The following PPP1R1C variants were observed in gnomAD, a reference collection of about 807,000 sequenced individuals.
PPP1R1C encodes the protein protein phosphatase 1 regulatory subunit 1C.
In PPP1R1C, 15 loss-of-function variants were observed where a neutral mutation model predicts 17.4. The observed-to-expected ratio is 0.86, with a 90% confidence interval of 0.58 to 1.33. The LOEUF is 1.33. Among genes scored for constraint, PPP1R1C ranks in the 40% most tolerant of loss-of-function variants. The pLI is 0.00. For synonymous variants in PPP1R1C, 35 were observed against 43.1 expected, an observed-to-expected ratio of 0.81 and a Z score of 0.73; for missense variants, 143 against 130.0, an observed-to-expected ratio of 1.10 and a Z score of -0.48.
chr2:181,962,678 G>A lies in PPP1R1C; in HGVS notation n.111+8044G>A, dbSNP rs1372086926. Among the ~76,000 whole-genome samples the A allele has an allele frequency of 6.6e-6, 1 of 152,234 alleles. No individual in the cohort carries two copies. Among genetic ancestry groups the A allele is most frequent in the Non-Finnish European group, 1.5e-5 (1 of 68,038 alleles). On this transcript the variant is annotated intron_variant and non_coding_transcript_variant, in intron 1 of 5. Transcript: ENST00000464264. The surrounding 1 kb of genome is among the most constrained non-coding windows in gnomAD (Gnocchi z 6.0). ...GGGTCCCACCCTCTAGCCTCAATAA[G>A]CAGCTGTTGACCCCAGCAGTGTTTA... is the stretch of plus-strand genomic sequence containing the variant.
chr2:181,987,640 G>A (rs1261211427), intron 1 of PPP1R1C, among the ~76,000 whole-genome samples, 199 bp from the exon 2 acceptor site: 1 of 152,156 alleles, frequency 6.6e-6, no homozygotes, highest in Non-Finnish European at 1.5e-5. Context: ...CAAAGAGGGT[G>A]ATACTTCTAT....
At chr2:182,003,851 A>G (rs992586683) in intron 2 of PPP1R1C, among the ~76,000 whole-genome samples, 15 of 152,276 alleles carry the variant, frequency 9.9e-5, no homozygotes, top group African/African-American at 3.1e-4. Flanking sequence ...TGTTTCATAA[A>G]CAAATCAGGT....
chr2:181,958,213 C>G (rs944998016), intron 1 of PPP1R1C, among the ~76,000 whole-genome samples: 1 of 152,162 alleles, frequency 6.6e-6, no homozygotes, highest in Non-Finnish European at 1.5e-5. Context: ...TTCAGGTCAA[C>G]TCCCTTTCTC....
Position 182,064,672 on chromosome 2 carries a change from T to C in PPP1R1C, c.241+881T>C, listed in dbSNP as rs115303738. Among the ~76,000 whole-genome samples the C allele has an allele frequency of 5.2e-3, 794 of 152,216 alleles. 6 individuals carry two copies. The highest frequency in any genetic ancestry group is 0.018 in the African/African-American group (767 of 41,554). On this transcript the variant is annotated intron_variant, in intron 4 of 4. Coordinates refer to ENST00000682840, the MANE Select transcript of PPP1R1C (RefSeq NM_001080545.3). ...TGGACACATTAATAGCTACTTTCAGTAGACTTCCTTCCTCATGCAGCTATA... is the reference window on the plus strand; with the variant it reads ...TGGACACATTAATAGCTACTTTCAGCAGACTTCCTTCCTCATGCAGCTATA...
intron 4 of PPP1R1C, among the ~76,000 whole-genome samples, chr2:182,108,812 T>C (rs1689332622): frequency 1.3e-5 from 2 of 152,224 alleles, no homozygotes; most frequent in East Asian, 1.9e-4. Flanking sequence ...CAGTTATTAA[T>C]AAAGCTGCTA....
At chr2:182,094,140 T>C (rs1688863848) in intron 4 of PPP1R1C, among the ~76,000 whole-genome samples, 1 of 152,186 alleles carries the variant, frequency 6.6e-6, no homozygotes, top group Non-Finnish European at 1.5e-5. Flanking sequence ...GGCCTCACAA[T>C]CTTGGTGGAA....
chr2:182,026,633 T>A, intron 2 of PPP1R1C, among the ~76,000 whole-genome samples: 1 of 152,260 alleles, frequency 6.6e-6, no homozygotes, highest in East Asian at 1.9e-4. Context: ...TAGTTTGAAG[T>A]CAGGTAGTGT....
chr2:182,027,299 G>T (rs1686647739), intron 2 of PPP1R1C, among the ~76,000 whole-genome samples: 1 of 138,596 alleles, frequency 7.2e-6, no homozygotes, highest in African/African-American at 2.8e-5. Context: ...AGTTTTCAAA[G>T]GGAATGCTTC....
chr2:182,123,031 G>A (rs1477291627), intron 5 of PPP1R1C, among the ~76,000 whole-genome samples: 3 of 152,156 alleles, frequency 2.0e-5, no homozygotes, highest in East Asian at 3.8e-4. Flanking sequence ...AGGCCCCTGT[G>A]TGTGATGCTC....
At chr2:182,094,884 T>C (rs4666808) in intron 4 of PPP1R1C, among the ~76,000 whole-genome samples, 5,434 of 152,304 alleles carry the variant, frequency 0.036, 275 homozygotes, top group Admixed American at 0.13. Flanking sequence ...CATTGTTGAC[T>C]AGTGACGTTT....
At chr2:182,070,350 T>C (rs997895421) in intron 4 of PPP1R1C, among the ~76,000 whole-genome samples, 1 of 152,358 alleles carries the variant, frequency 6.6e-6, no homozygotes, top group East Asian at 1.9e-4. Flanking sequence ...TTTGCTGCCA[T>C]GCAAAGACTA....
downstream of PPP1R1C, among the ~76,000 whole-genome samples, chr2:182,120,133 A>C (rs1210415122): frequency 6.6e-6 from 1 of 152,290 alleles, no homozygotes; most frequent in Non-Finnish European, 1.5e-5. Flanking sequence ...ATGGCTAGCC[A>C]GTTTTCCCAG....
chr2:182,012,635 C>T (rs1048918962), intron 2 of PPP1R1C, among the ~76,000 whole-genome samples: 1 of 151,972 alleles, frequency 6.6e-6, no homozygotes, highest in Non-Finnish European at 1.5e-5. Context: ...TAAGGACTTG[C>T]TATGGCCATT....
At chr2:182,073,707 T>A (rs1274266848) in intron 4 of PPP1R1C, among the ~76,000 whole-genome samples, 1 of 151,960 alleles carries the variant, frequency 6.6e-6, no homozygotes, top group African/African-American at 2.4e-5. Context: ...CATCTGTAAG[T>A]TGAGGGATGA....
chr2:182,076,803 A>G (rs972063198), intron 4 of PPP1R1C, among the ~76,000 whole-genome samples: 13 of 152,182 alleles, frequency 8.5e-5, no homozygotes, highest in Non-Finnish European at 1.6e-4. Flanking sequence ...AACAAACTTA[A>G]TTGGATTTTA....
At chr2:181,971,378 G>A (rs796784606) in intron 1 of PPP1R1C, among the ~76,000 whole-genome samples, 7 of 152,308 alleles carry the variant, frequency 4.6e-5, no homozygotes, top group Non-Finnish European at 7.4e-5. Context: ...CTAGGTCCTG[G>A]AATGGGGGAC....
At chr2:181,974,021 ATGTT>A (rs1685055954) in intron 1 of PPP1R1C, among the ~76,000 whole-genome samples, 1 of 151,948 alleles carries the variant, frequency 6.6e-6, no homozygotes, top group Non-Finnish European at 1.5e-5. Flanking sequence ...TTTAAACATT[ATGTT>A]AAATAGTAGC....
Position 182,117,399 on chromosome 2 carries a change from C to T in PPP1R1C, c.*104C>T. The T allele has an allele frequency of 1.3e-6, 1 of 772,352 alleles. No homozygotes were observed. Among genetic ancestry groups the T allele is most frequent in the Non-Finnish European group, 2.1e-6 (1 of 466,546 alleles). 47.8% of individuals were successfully genotyped at this position (772,352 alleles called of 1,614,324 possible). ...CTTGACTTCCAGAAGCATCCTCCAT[C>T]TCTGCACCCCACACTCATACAGTAG... On this transcript the variant is annotated 3_prime_UTR_variant, in exon 5 of 5. Coordinates refer to ENST00000682840, the MANE Select transcript of PPP1R1C (RefSeq NM_001080545.3).
intron 4 of PPP1R1C, among the ~76,000 whole-genome samples, chr2:182,096,059 A>G (rs1311225173): frequency 6.6e-6 from 1 of 152,168 alleles, no homozygotes; most frequent in Admixed American, 6.5e-5. Context: ...AGACAAAAGC[A>G]TAATACATTT....
Sources: allele counts gnomAD v4.1 joint callset (sites outside exome capture counted in the v4.1 genomes callset), GRCh38; gene constraint gnomAD v4.1.1; non-coding constraint Gnocchi (gnomAD v3.1); transcripts MANE v1.5; gene names NCBI Gene and HGNC (gene_info 2026-07-23, HGNC 2026-07-21).